The following FHIT variants were observed in gnomAD, a reference collection of about 807,000 sequenced individuals.
FHIT encodes the protein bis(5'-adenosyl)-triphosphatase.
A neutral mutation model predicts 17.9 loss-of-function variants in FHIT; 19 were observed. The observed-to-expected ratio is 1.06, with a 90% CI of 0.74 to 1.56. The LOEUF (loss-of-function observed/expected upper bound fraction) is 1.56. Ranked by LOEUF, FHIT falls within the 40% of genes most tolerant of loss-of-function variation. FHIT has a pLI of 0.00. For synonymous variants in FHIT, 81 were observed against 69.7 expected (o/e 1.16, Z -0.81); for missense variants, 248 against 189.2 (o/e 1.31, Z -1.82).
chr3:60,162,415 T>G (rs538092471), intron 5 of FHIT, among the ~76,000 whole-genome samples: 23 of 152,298 alleles, frequency 1.5e-4, no homozygotes, highest in Admixed American at 3.9e-4. Context: ...AAGTGCTTGT[T>G]TATTTCTGGA....
chr3:60,848,263 G>T (rs1703001748), intron 3 of FHIT, among the ~76,000 whole-genome samples: 1 of 152,120 alleles, frequency 6.6e-6, no homozygotes, highest in Non-Finnish European at 1.5e-5. Flanking sequence ...TGGGCCTTAA[G>T]CACAGTTCTT....
chr3:60,374,996 TGAAAG>T (rs1465043637), intron 5 of FHIT, among the ~76,000 whole-genome samples: 5 of 151,452 alleles, frequency 3.3e-5, no homozygotes, highest in African/African-American at 1.2e-4. Context: ...ATTTGGAGCC[TGAAAG>T]GAGAGACTCT....
chr3:60,894,651 A>C (rs1359156596), intron 3 of FHIT, among the ~76,000 whole-genome samples: 12 of 151,204 alleles, frequency 7.9e-5, no homozygotes, highest in African/African-American at 2.2e-4. Flanking sequence ...AAAAAATTCA[A>C]AGAGCTTTTA....
intron 5 of FHIT, among the ~76,000 whole-genome samples, chr3:60,501,264 T>C (rs1000579598): frequency 6.6e-6 from 1 of 152,142 alleles, no homozygotes. Context: ...TTAATGTTTT[T>C]TGATAACTCG....
intron 7 of FHIT, among the ~76,000 whole-genome samples, chr3:59,951,868 T>C (rs1247714300): frequency 2.6e-5 from 4 of 152,134 alleles, no homozygotes; most frequent in African/African-American, 9.7e-5. Flanking sequence ...ATTGGTCTTC[T>C]CCTCTCTCCA....
At chr3:60,778,929 A>T (rs1290600146) in intron 4 of FHIT, among the ~76,000 whole-genome samples, 1 of 152,120 alleles carries the variant, frequency 6.6e-6, no homozygotes, top group East Asian at 1.9e-4. Flanking sequence ...AAAGAATGTC[A>T]CTTTCTAGCA....
At chr3:60,497,763 G>C (rs1352913915) in intron 5 of FHIT, among the ~76,000 whole-genome samples, 1 of 152,156 alleles carries the variant, frequency 6.6e-6, no homozygotes, top group African/African-American at 2.4e-5. Flanking sequence ...ATTCTCTGAA[G>C]AAGCTGATGA....
intron 5 of FHIT, among the ~76,000 whole-genome samples, chr3:60,461,922 G>T (rs987742085): frequency 1.3e-5 from 2 of 152,162 alleles, no homozygotes; most frequent in African/African-American, 4.8e-5. Context: ...CTTTAAGCCA[G>T]GTAAAAACTA....
At chr3:60,354,141 A>G (rs1699544263) in intron 5 of FHIT, among the ~76,000 whole-genome samples, 1 of 152,162 alleles carries the variant, frequency 6.6e-6, no homozygotes, top group East Asian at 1.9e-4. Context: ...ATGACATATG[A>G]CATGCTTGTA....
chr3:60,019,418 T>TA (rs199827669), intron 5 of FHIT, among the ~76,000 whole-genome samples: 17 of 146,890 alleles, frequency 1.2e-4, no homozygotes, highest in African/African-American at 4.0e-4. Flanking sequence ...GATGCTCCTT[T>TA]TTTTTTTTTT....
intron 8 of FHIT, among the ~76,000 whole-genome samples, chr3:59,801,037 A>G (rs1022731936): frequency 6.6e-6 from 1 of 151,948 alleles, no homozygotes; most frequent in Admixed American, 6.6e-5. Flanking sequence ...TGAAAGGTGG[A>G]TCCAACTTGA....
chr3:60,488,597 T>C (rs2033938245), intron 5 of FHIT, among the ~76,000 whole-genome samples: 1 of 152,028 alleles, frequency 6.6e-6, no homozygotes, highest in Admixed American at 6.6e-5. Flanking sequence ...GACAGCAGGG[T>C]AGGGGATATT....
chr3:60,798,667 G>A (rs1330367936), intron 4 of FHIT, among the ~76,000 whole-genome samples: 1 of 150,580 alleles, frequency 6.6e-6, no homozygotes, highest in Non-Finnish European at 1.5e-5. Context: ...TTGAATTACA[G>A]TCTAGTAAAT....
intron 8 of FHIT, among the ~76,000 whole-genome samples, chr3:59,852,909 T>C (rs1349258571): frequency 6.6e-6 from 1 of 152,178 alleles, no homozygotes; most frequent in East Asian, 1.9e-4. Flanking sequence ...TACCACAGTG[T>C]ATTTATCCAT....
intron 8 of FHIT, among the ~76,000 whole-genome samples, chr3:59,836,666 G>T (rs919962750): frequency 3.3e-5 from 5 of 152,178 alleles, no homozygotes; most frequent in African/African-American, 9.7e-5. Context: ...CTGCTTTAGT[G>T]TGGCAGCTGA....
At chr3:60,011,863 T>C (rs1700151459) in intron 6 of FHIT, among the ~76,000 whole-genome samples, 1 of 152,208 alleles carries the variant, frequency 6.6e-6, no homozygotes. Flanking sequence ...TATTCTGACC[T>C]TGTGGGAGAC....
At chr3:60,090,817 C>T (rs1032894056) in intron 5 of FHIT, among the ~76,000 whole-genome samples, 8 of 152,194 alleles carry the variant, frequency 5.3e-5, no homozygotes, top group African/African-American at 1.9e-4. Context: ...TTCTTAGAAG[C>T]AAAGGGCCTG....
intron 5 of FHIT, among the ~76,000 whole-genome samples, chr3:60,015,437 A>G (rs1459890436): frequency 1.3e-5 from 2 of 152,210 alleles, no homozygotes; most frequent in African/African-American, 4.8e-5. Context: ...AGGGCATCTG[A>G]TACTTAAAAA....
intron 5 of FHIT, among the ~76,000 whole-genome samples, chr3:60,438,016 T>C (rs975687445): frequency 2.6e-5 from 4 of 152,136 alleles, no homozygotes; most frequent in Non-Finnish European, 5.9e-5. Flanking sequence ...TATAGTCATA[T>C]TATATAAAAA....
Sources: gnomAD v4.1 joint callset for allele counts (sites outside exome capture counted in the v4.1 genomes callset) on GRCh38, gnomAD v4.1.1 for gene constraint, MANE v1.5 for transcripts, NCBI Gene and HGNC (gene_info 2026-07-23, HGNC 2026-07-21) for gene names.